SCMH1: variants seen among roughly 807,000 people sequenced by gnomAD.
SCMH1 encodes Scm polycomb group protein homolog 1.
Under a neutral mutation model 70.8 loss-of-function variants are expected in SCMH1, and 37 were observed. The observed-to-expected ratio is 0.52, with a 90% CI of 0.40 to 0.69. The LOEUF (loss-of-function observed/expected upper bound fraction) is 0.69. SCMH1 is among the 30% of genes least tolerant of loss of function. The pLI is 0.00. For synonymous variants in SCMH1, 292 were observed against 307.4 expected (o/e 0.95, Z 0.52); for missense variants, 607 against 827.3 (o/e 0.73, Z 3.27).
intron 1 of SCMH1, among the ~76,000 whole-genome samples, chr1:41,237,606 T>C (rs1395765881): frequency 2.6e-5 from 4 of 152,206 alleles, no homozygotes; most frequent in Non-Finnish European, 1.5e-5. Flanking sequence ...TATTTCCTAC[T>C]ATTAGCTTTT....
chr1:41,232,489 A>G (rs1327456632), intron 1 of SCMH1, among the ~76,000 whole-genome samples: 6 of 152,202 alleles, frequency 3.9e-5, no homozygotes, highest in Admixed American at 3.3e-4. Context: ...CTGTACTGAT[A>G]AAGTCTCAGA....
chr1:41,075,468 C>G lies in SCMH1; in HGVS notation c.746-17G>C, dbSNP rs1174342183. On this transcript the variant is annotated splice_polypyrimidine_tract_variant and intron_variant, in intron 8 of 14. Transcript: ENST00000337495. ...GAATCACAACTGCAAGAAAAAGACT[C>G]ATTCTATCACCCTCCCTCCCCCCTG... The G allele has an allele frequency of 3.8e-6, 6 of 1,595,478 alleles. No homozygotes were observed. In the East Asian group the frequency reaches 8.9e-5, roughly 24 times the overall value.
intron 13 of SCMH1, among the ~76,000 whole-genome samples, chr1:41,035,264 A>G (rs1645125367): frequency 6.6e-6 from 1 of 151,994 alleles, no homozygotes; most frequent in Non-Finnish European, 1.5e-5. Context: ...CTGATTCCTG[A>G]TTTCTTTACA....
intron 9 of SCMH1, among the ~76,000 whole-genome samples, chr1:41,070,934 C>CT (rs1437314117): frequency 6.6e-6 from 1 of 152,044 alleles, no homozygotes; most frequent in Non-Finnish European, 1.5e-5. Context: ...AGCCTCTGGT[C>CT]TTTTTTAGGG....
At chr1:41,240,873 G>A (rs539303128) in intron 1 of SCMH1, among the ~76,000 whole-genome samples, 1 of 152,002 alleles carries the variant, frequency 6.6e-6, no homozygotes, top group East Asian at 1.9e-4. Context: ...TTTGTCTCCA[G>A]GATCACTTTT....
At chr1:41,132,010 G>T (rs1446670018) in intron 6 of SCMH1, among the ~76,000 whole-genome samples, 1 of 152,158 alleles carries the variant, frequency 6.6e-6, no homozygotes, top group Non-Finnish European at 1.5e-5. Context: ...ATAAATATAT[G>T]TGTGCATGTG....
chr1:41,106,266 G>A (rs1245645413), intron 8 of SCMH1, among the ~76,000 whole-genome samples: 1 of 151,732 alleles, frequency 6.6e-6, no homozygotes, highest in Non-Finnish European at 1.5e-5. Context: ...CCTGGTGGGA[G>A]GTGTTTGGGT....
intron 10 of SCMH1, among the ~76,000 whole-genome samples, chr1:41,050,595 A>C (rs1647737284): frequency 6.6e-6 from 1 of 152,222 alleles, no homozygotes; most frequent in African/African-American, 2.4e-5. Flanking sequence ...AAAGAAGAAA[A>C]GGGTAAACAA....
At chr1:41,191,372 A>G (rs1651682166) in intron 1 of SCMH1, among the ~76,000 whole-genome samples, 1 of 152,268 alleles carries the variant, frequency 6.6e-6, no homozygotes. Context: ...AAAATTAAGT[A>G]TATTTGAACA....
At chr1:41,076,789 A>G (rs1370504079) in intron 8 of SCMH1, among the ~76,000 whole-genome samples, 1 of 152,202 alleles carries the variant, frequency 6.6e-6, no homozygotes, top group Non-Finnish European at 1.5e-5. Flanking sequence ...GCTGTAACTG[A>G]GTGAGCAAAG....
chr1:41,104,135 C>T (rs1338112272), intron 8 of SCMH1, among the ~76,000 whole-genome samples: 3 of 152,194 alleles, frequency 2.0e-5, no homozygotes, highest in Non-Finnish European at 4.4e-5. Flanking sequence ...CTACTACGTG[C>T]TACATGGTGC....
At position 41,113,683 on chromosome 1, in the gene SCMH1, C is replaced by T. The variant is rs908456087; in HGVS notation, c.502-157G>A. On this transcript the variant is annotated intron_variant, in intron 7 of 14. Coordinates refer to ENST00000337495, the Ensembl canonical transcript of SCMH1. The surrounding 1 kb of genome is among the most constrained non-coding windows in gnomAD (Gnocchi z 4.3). Reference sequence around the variant, plus strand: ...TAAATTAATTTTAAATTCAATATTTCAATATTTAAAGTATTACTTTATTAA... The same window carrying T: ...TAAATTAATTTTAAATTCAATATTTTAATATTTAAAGTATTACTTTATTAA... Among the ~76,000 whole-genome samples the T allele has an allele frequency of 5.3e-5, 8 of 152,076 alleles. No homozygotes were observed. The highest frequency in any genetic ancestry group is 5.2e-4 in the Admixed American group (8 of 15,260).
At chr1:41,164,592 C>T (rs1483762874) in intron 2 of SCMH1, among the ~76,000 whole-genome samples, 3 of 152,082 alleles carry the variant, frequency 2.0e-5, no homozygotes, top group Non-Finnish European at 2.9e-5. Context: ...AATAAATTAC[C>T]TATTCATTCA....
At chr1:41,234,634 CT>C (rs900451374) in intron 1 of SCMH1, among the ~76,000 whole-genome samples, 2 of 151,768 alleles carry the variant, frequency 1.3e-5, no homozygotes, top group African/African-American at 4.8e-5. Flanking sequence ...GCCACCACAC[CT>C]GGCTAATTTT....
chr1:41,217,102 C>T (rs750592505), intron 1 of SCMH1, among the ~76,000 whole-genome samples: 35 of 152,130 alleles, frequency 2.3e-4, no homozygotes, highest in Non-Finnish European at 4.3e-4. Context: ...TAGAAAAAGT[C>T]TAAATTTCCT....
At position 41,188,076 on chromosome 1, in the gene SCMH1, A is replaced by T. The variant is rs148416140; in HGVS notation, c.-117-1826T>A. Among the ~76,000 whole-genome samples, 494 of 152,322 alleles carry T rather than the reference A, an allele frequency of 3.2e-3. 2 individuals carry two copies. The highest frequency in any genetic ancestry group is 5.8e-3 in the Admixed American group (89 of 15,300). On this transcript the variant is annotated intron_variant, in intron 1 of 14. Transcript: ENST00000337495. ...AAAGTTCTTGTATTTATTCCAAAAG[A>T]TAGTAATGGCACTAAGGGGCTGGAA...
intron 6 of SCMH1, among the ~76,000 whole-genome samples, chr1:41,117,782 C>T (rs139320840): frequency 1.6e-3 from 241 of 152,328 alleles, no homozygotes; most frequent in African/African-American, 5.4e-3. Context: ...CTCTCTGCCT[C>T]GGCTGCCAGG....
chr1:41,103,235 G>A (rs903663290), intron 8 of SCMH1, among the ~76,000 whole-genome samples: 3 of 151,686 alleles, frequency 2.0e-5, no homozygotes, highest in Non-Finnish European at 4.4e-5. Context: ...AGGTTCAAGC[G>A]ATTCTTCTGT....
chr1:41,066,822 T>C (rs1654766666), intron 10 of SCMH1, among the ~76,000 whole-genome samples: 1 of 152,016 alleles, frequency 6.6e-6, no homozygotes, highest in South Asian at 2.1e-4. Flanking sequence ...ACTCCTGAGC[T>C]CAAGTGATAC....
Sources: allele counts gnomAD v4.1 joint callset (sites outside exome capture counted in the v4.1 genomes callset), GRCh38; gene constraint gnomAD v4.1.1; non-coding constraint Gnocchi (gnomAD v3.1); transcripts MANE v1.5; gene names NCBI Gene and HGNC (gene_info 2026-07-23, HGNC 2026-07-21).